The following RBFOX1 variants were observed in gnomAD, a reference collection of about 807,000 sequenced individuals.
The protein encoded by RBFOX1 is RNA binding fox-1 homolog 1.
In RBFOX1, 8 loss-of-function variants were observed where a neutral mutation model predicts 57.7. The ratio of observed to expected loss-of-function variants is 0.14; its 90% CI spans 0.08 to 0.25. The LOEUF is 0.25. Ranked by LOEUF, RBFOX1 falls within the 10% of genes least tolerant of loss-of-function variation. The probability of loss-of-function intolerance (pLI) is 1.00; values close to 1 mark genes in which losing one functional copy is unlikely to be tolerated. For missense variants in RBFOX1, 611 were observed against 548.5 expected, an observed-to-expected ratio of 1.11 and a Z score of -1.14; for synonymous variants, 326 against 222.4, an observed-to-expected ratio of 1.47 and a Z score of -4.15.
At chr16:5,872,290 G>C (rs906872504) in intron 4 of RBFOX1, among the ~76,000 whole-genome samples, 1 of 152,326 alleles carries the variant, frequency 6.6e-6, no homozygotes, top group East Asian at 1.9e-4. Context: ...TTGGAGTCTT[G>C]TAGATGAGGT....
chr16:5,604,215 C>T (rs187607636), downstream of RBFOX1, among the ~76,000 whole-genome samples: 532 of 152,266 alleles, frequency 3.5e-3, 5 homozygotes, highest in African/African-American at 0.012. Context: ...ATTTTTTATG[C>T]GTGCTTAAGA....
At chr16:7,697,458 TAATAGTAACTTACTGTC>T (rs1362693215) in intron 14 of RBFOX1, among the ~76,000 whole-genome samples, 1 of 152,194 alleles carries the variant, frequency 6.6e-6, no homozygotes, top group Non-Finnish European at 1.5e-5. Context: ...CTCCAAGGTG[TAATAGTAACTTACTGTC>T]ATTTATTGAG....
rs373685639 is a variant in RBFOX1 at position 6,786,771 on chromosome 16, C to T, written c.-16+132121C>T. Reference sequence around the variant, plus strand: ...GGAAATGAGATACTTAAAGAAACTCCACCCAATGGAAGTGGACATGAGGTC... The same window carrying T: ...GGAAATGAGATACTTAAAGAAACTCTACCCAATGGAAGTGGACATGAGGTC... On this transcript the variant is annotated intron_variant, in intron 3 of 15. Coordinates refer to ENST00000550418, the MANE Select transcript of RBFOX1 (RefSeq NM_018723.4). Among the ~76,000 whole-genome samples the T allele has an allele frequency of 6.6e-5, 10 of 152,216 alleles. No individual in the cohort carries two copies. The East Asian group carries it at 1.7e-3, about 27-fold the overall frequency.
intron 4 of RBFOX1, among the ~76,000 whole-genome samples, chr16:7,503,231 T>C (rs1333645100): frequency 6.6e-6 from 1 of 152,202 alleles, no homozygotes; most frequent in Non-Finnish European, 1.5e-5. Flanking sequence ...AAGAGATCCT[T>C]GGTGACATTC....
intron 1 of RBFOX1, among the ~76,000 whole-genome samples, chr16:6,268,393 G>C (rs2074797100): frequency 6.6e-6 from 1 of 152,120 alleles, no homozygotes; most frequent in African/African-American, 2.4e-5. Context: ...TTGGTATGAA[G>C]CACAGCTTGT....
rs184882331 is a variant in RBFOX1, at chr16:5,941,306, G to T, written c.351+73971G>T. 4.9e-4 allele frequency among the ~76,000 whole-genome samples: 75 copies of T among 152,028 alleles called. No individual in the cohort carries two copies. The East Asian group carries it at 0.011, about 22-fold the overall frequency. On this transcript the variant is annotated intron_variant, in intron 4 of 19. Transcript: ENST00000641259. ...GGAGTTCAAGACCAGCCTGGGCAAC[G>T]TAGTGAGATCTTATCTCTACATTTT...
intron 3 of RBFOX1, among the ~76,000 whole-genome samples, chr16:5,690,743 G>C (rs774634079): frequency 6.6e-6 from 1 of 152,134 alleles, no homozygotes; most frequent in South Asian, 2.1e-4. Flanking sequence ...TGAGGGGCGC[G>C]TATGTCTTTC....
At chr16:6,688,628 A>G (rs2059782656) in intron 3 of RBFOX1, among the ~76,000 whole-genome samples, 2 of 152,066 alleles carry the variant, frequency 1.3e-5, no homozygotes, top group African/African-American at 4.8e-5. Context: ...TGACCTGCAG[A>G]TTGGTATTCT....
intron 3 of RBFOX1, among the ~76,000 whole-genome samples, chr16:7,045,797 A>C (rs2047722069): frequency 2.6e-5 from 4 of 151,998 alleles, no homozygotes; most frequent in Admixed American, 2.6e-4. Flanking sequence ...CTGGGACTAC[A>C]GGCGCATTCC....
intron 3 of RBFOX1, among the ~76,000 whole-genome samples, chr16:5,634,189 T>A (rs1278525074): frequency 5.9e-5 from 9 of 152,208 alleles, no homozygotes; most frequent in African/African-American, 1.9e-4. Context: ...AATTAACATT[T>A]TGGGTATTGC....
intron 3 of RBFOX1, among the ~76,000 whole-genome samples, chr16:6,682,490 T>A (rs112234602): frequency 4.6e-5 from 7 of 152,206 alleles, no homozygotes; most frequent in African/African-American, 1.7e-4. Flanking sequence ...TGCTTAATGG[T>A]TTTGTGGTGA....
intron 4 of RBFOX1, among the ~76,000 whole-genome samples, chr16:7,203,203 A>G (rs1219121217): frequency 6.6e-6 from 1 of 152,250 alleles, no homozygotes; most frequent in Non-Finnish European, 1.5e-5. Context: ...ATGGAATATT[A>G]TTCAACCTTA....
chr16:6,518,807 C>A (rs1444740583), intron 2 of RBFOX1, among the ~76,000 whole-genome samples: 1 of 101,018 alleles, frequency 9.9e-6, no homozygotes, highest in African/African-American at 3.7e-5. Context: ...GTCTATCTAT[C>A]TATCTATCTA....
intron 2 of RBFOX1, among the ~76,000 whole-genome samples, chr16:6,605,739 G>C (rs1039536762): frequency 1.3e-5 from 2 of 152,202 alleles, no homozygotes; most frequent in African/African-American, 4.8e-5. Flanking sequence ...TTCAGTCCGT[G>C]TGTTCGTGGA....
chr16:5,571,319 C>G (rs1425569389), intron 2 of RBFOX1, among the ~76,000 whole-genome samples: 2 of 138,988 alleles, frequency 1.4e-5, no homozygotes, highest in African/African-American at 2.7e-5. Context: ...TTCCTGGGTT[C>G]AAGTGATTTT....
intron 4 of RBFOX1, among the ~76,000 whole-genome samples, chr16:7,098,835 G>A (rs1332232173): frequency 6.6e-6 from 1 of 152,084 alleles, no homozygotes; most frequent in Non-Finnish European, 1.5e-5. Flanking sequence ...TCTTTCTAGT[G>A]AGGCACAGCT....
intron 3 of RBFOX1, among the ~76,000 whole-genome samples, chr16:6,744,175 A>C (rs1177769179): frequency 1.3e-5 from 2 of 152,040 alleles, no homozygotes; most frequent in Non-Finnish European, 2.9e-5. Context: ...TGACTTAATC[A>C]AGAAGACATT....
At chr16:7,289,520 T>C (rs2095718139) in intron 4 of RBFOX1, among the ~76,000 whole-genome samples, 1 of 152,086 alleles carries the variant, frequency 6.6e-6, no homozygotes, top group South Asian at 2.1e-4. Context: ...TTCATCGTCA[T>C]CATCACCATT....
intron 2 of RBFOX1, among the ~76,000 whole-genome samples, chr16:6,444,803 G>A (rs138874532): frequency 1.1e-4 from 16 of 152,320 alleles, no homozygotes; most frequent in Admixed American, 8.5e-4. Flanking sequence ...GCTTTTGTTA[G>A]TGGGTAAAAT....
Sources: gnomAD v4.1 joint callset for allele counts (sites outside exome capture counted in the v4.1 genomes callset) on GRCh38, gnomAD v4.1.1 for gene constraint, MANE v1.5 for transcripts, NCBI Gene and HGNC (gene_info 2026-07-23, HGNC 2026-07-21) for gene names.